IRAK1BP1: variants seen among roughly 807,000 people sequenced by gnomAD.
IRAK1BP1 encodes interleukin 1 receptor associated kinase 1 binding protein 1.
IRAK1BP1 carries 24 observed loss-of-function variants against 28.0 expected under a neutral mutation model. That is an observed-to-expected ratio of 0.86 (90% CI 0.62 to 1.20). The LOEUF is 1.20. Among genes scored for constraint, IRAK1BP1 ranks in the 50% most tolerant of loss-of-function variants. The probability of loss-of-function intolerance (pLI) is 0.00; values close to 1 mark genes in which losing one functional copy is unlikely to be tolerated. For missense variants in IRAK1BP1, 336 were observed against 316.7 expected (o/e 1.06, Z -0.46); for synonymous variants, 131 against 116.3 (o/e 1.13, Z -0.81).
In IRAK1BP1 at chr6:78,868,987, G is replaced by A. The variant is rs76033984; in HGVS notation, c.315+1096G>A. 8.8e-3 allele frequency among the ~76,000 whole-genome samples: 1,340 copies of A among 152,184 alleles called. 21 individuals are homozygous for A. The highest frequency in any genetic ancestry group is 0.029 in the African/African-American group (1,213 of 41,510). ...TTATTTTTAACAAGAAAAGATATTT[G>A]AATTGCATTTATAATACAAACATAC... On this transcript the variant is annotated intron_variant, in intron 1 of 3. Transcript: ENST00000369940.
intron 4 of IRAK1BP1, among the ~76,000 whole-genome samples, chr6:78,930,116 C>G (rs141123887): frequency 1.5e-3 from 224 of 152,044 alleles, no homozygotes; most frequent in African/African-American, 5.0e-3. Flanking sequence ...TTTGTAGAGA[C>G]AGGGTTTCAC....
At chr6:78,932,421 C>CT (rs386407659) in intron 4 of IRAK1BP1, among the ~76,000 whole-genome samples, 12,698 of 123,622 alleles carry the variant, frequency 0.1, 974 homozygotes, top group Non-Finnish European at 0.14. Flanking sequence ...CTTTCTTTTT[C>CT]TTTTTTTTTT....
At chr6:78,917,737 G>A (rs1233480638) in intron 4 of IRAK1BP1, among the ~76,000 whole-genome samples, 2 of 150,906 alleles carry the variant, frequency 1.3e-5, no homozygotes. Context: ...TCAGCAGAAA[G>A]CTAACAGCAG....
intron 4 of IRAK1BP1, among the ~76,000 whole-genome samples, chr6:78,926,141 G>GA (rs942592432): frequency 1.3e-5 from 2 of 152,114 alleles, no homozygotes; most frequent in Non-Finnish European, 2.9e-5. Flanking sequence ...ACACCAGTCA[G>GA]AATGGCTATT....
chr6:78,869,496 G>A (rs1001081689), intron 1 of IRAK1BP1, among the ~76,000 whole-genome samples: 1 of 152,128 alleles, frequency 6.6e-6, no homozygotes, highest in Non-Finnish European at 1.5e-5. Flanking sequence ...CTCCAGCTTG[G>A]GTGACAGAGA....
At position 78,867,890 on chromosome 6, in the gene IRAK1BP1, A is replaced by G; in HGVS notation, c.314A>G (p.Gln105Arg). Residue 105 changes from glutamine to arginine, a missense_variant and splice_region_variant, in exon 1 of 4, where the codon CAG becomes CGG. Transcript: ENST00000369940. ...CAGAGCCTCCAGCAGCAGGGCGTGC[A>G]GGTGAGATCTCCGCGGGGGAGGAAA... Reference protein sequence around the residue: ...ITQSLQQQGVQAENITVTKDF... With the variant: ...ITQSLQQQGVRAENITVTKDF... 6.3e-7 allele frequency: 1 copy of G among 1,579,932 alleles called. No homozygotes were observed.
rs532410754 is a variant in IRAK1BP1, at chr6:78,873,148, C to T, written c.315+5257C>T. ...GTGGGCGCCTGTGTCTCAGCTACTC[C>T]GGAGGCTGAGGCAGGAGAATCACTT... On this transcript the variant is annotated intron_variant, in intron 1 of 3. Transcript: ENST00000369940. Among the ~76,000 whole-genome samples the T allele has an allele frequency of 1.2e-3, 178 of 143,756 alleles. 1 individual carries two copies. Among genetic ancestry groups the T allele is most frequent in the African/African-American group, 4.2e-3 (165 of 38,892 alleles). The allele number at this position is 143,756 out of a possible 152,430, so 94.3% of individuals were successfully genotyped here. A position where few individuals can be genotyped will look rare whatever the true frequency, so the allele number is the denominator to read the frequency against.
chr6:78,957,201 T>G, the IRAK1BP1 span: 1 of 151,984 alleles, frequency 6.6e-6, no homozygotes, highest in African/African-American at 2.4e-5. Flanking sequence ...GTATTAACAA[T>G]TTTCATCTAA....
chr6:78,909,834 A>C (rs1425477791), intron 4 of IRAK1BP1, among the ~76,000 whole-genome samples: 1 of 151,182 alleles, frequency 6.6e-6, no homozygotes, highest in African/African-American at 2.4e-5. Context: ...CAGATGTTTG[A>C]TGTTATTTCT....
chr6:78,911,546 G>A (rs969987388), intron 4 of IRAK1BP1, among the ~76,000 whole-genome samples: 1 of 152,078 alleles, frequency 6.6e-6, no homozygotes, highest in Non-Finnish European at 1.5e-5. Flanking sequence ...TGATTTACTC[G>A]CCTTTAAGTT....
At chr6:78,977,493 T>A in the IRAK1BP1 span, among the ~76,000 whole-genome samples, 1 of 152,266 alleles carries the variant, frequency 6.6e-6, no homozygotes, top group East Asian at 1.9e-4. Flanking sequence ...ACCTGCACAA[T>A]GTACACATGT....
the IRAK1BP1 span, among the ~76,000 whole-genome samples, chr6:78,960,513 T>C: frequency 1.3e-5 from 2 of 151,856 alleles, no homozygotes; most frequent in African/African-American, 2.4e-5. Flanking sequence ...TGAAGAATGC[T>C]TTGAGGGTGG....
At chr6:78,975,051 C>G in the IRAK1BP1 span, among the ~76,000 whole-genome samples, 2 of 150,762 alleles carry the variant, frequency 1.3e-5, no homozygotes, top group African/African-American at 2.5e-5. Flanking sequence ...GATACCAAAG[C>G]TGGGCAGAGA....
chr6:78,914,843 T>C (rs943064374), intron 4 of IRAK1BP1, among the ~76,000 whole-genome samples: 1 of 152,120 alleles, frequency 6.6e-6, no homozygotes, highest in African/African-American at 2.4e-5. Flanking sequence ...TTTTTTGAGA[T>C]GGAGTCTTGC....
At chr6:78,954,261 C>T in the IRAK1BP1 span, among the ~76,000 whole-genome samples, 1 of 137,862 alleles carries the variant, frequency 7.3e-6, no homozygotes, top group African/African-American at 2.7e-5. Context: ...GCCCACACGC[C>T]TGGCTAATTT....
chr6:78,925,052 C>G (rs754358105), intron 4 of IRAK1BP1, among the ~76,000 whole-genome samples: 1 of 152,012 alleles, frequency 6.6e-6, no homozygotes, highest in African/African-American at 2.4e-5. Flanking sequence ...CCATCATTCT[C>G]AGTGAACTAT....
intron 4 of IRAK1BP1, among the ~76,000 whole-genome samples, chr6:78,917,018 T>C (rs1772578503): frequency 6.6e-6 from 1 of 152,074 alleles, no homozygotes; most frequent in Admixed American, 6.5e-5. Flanking sequence ...GTGAAAAATC[T>C]GAATGTAGTG....
chr6:78,976,007 A>C, the IRAK1BP1 span, among the ~76,000 whole-genome samples: 1 of 151,996 alleles, frequency 6.6e-6, no homozygotes, highest in Non-Finnish European at 1.5e-5. Flanking sequence ...CTTTCTTCAC[A>C]GAATTGGAAA....
chr6:78,963,250 C>A, the IRAK1BP1 span: 1 of 1,597,718 alleles, frequency 6.3e-7, no homozygotes, highest in Non-Finnish European at 8.5e-7. Flanking sequence ...TCAGGAAATA[C>A]AGCTGAAATA....
Sources: gnomAD v4.1 joint callset for allele counts (sites outside exome capture counted in the v4.1 genomes callset) on GRCh38, gnomAD v4.1.1 for gene constraint, MANE v1.5 for transcripts, NCBI Gene and HGNC (gene_info 2026-07-23, HGNC 2026-07-21) for gene names.